FGF13: variants seen among roughly 807,000 people sequenced by gnomAD.
The protein encoded by FGF13 is fibroblast growth factor homologous factor 2.
A neutral mutation model predicts 19.5 loss-of-function variants in FGF13; 2 were observed. That is an observed-to-expected ratio of 0.10 (90% CI 0.04 to 0.32). The LOEUF is 0.32. FGF13 is among the 10% of genes least tolerant of loss of function. FGF13 has a pLI of 1.00. For missense variants in FGF13, 113 were observed against 192.7 expected, an observed-to-expected ratio of 0.59 and a Z score of 2.45; for synonymous variants, 72 against 76.9, an observed-to-expected ratio of 0.94 and a Z score of 0.33.
chrX:138,918,795 G>A (rs959622479), intron 1 of FGF13, among the ~76,000 whole-genome samples: 5 of 111,670 alleles, frequency 4.5e-5, no homozygotes, highest in African/African-American at 3.3e-5. Context: ...GAAAGGCTTC[G>A]CAGAGGAGTT....
chrX:139,076,476 G>A (rs1436849806), intron 1 of FGF13, among the ~76,000 whole-genome samples: 2 of 111,456 alleles, frequency 1.8e-5, no homozygotes, highest in Admixed American at 9.6e-5. Context: ...CACAAAACAG[G>A]GAACCATAGC....
chrX:138,801,139 A>G (rs1457498802), intron 3 of FGF13, among the ~76,000 whole-genome samples: 1 of 112,149 alleles, frequency 8.9e-6, no homozygotes, highest in Non-Finnish European at 1.9e-5. Flanking sequence ...AGGAGTTACA[A>G]TCATTTGGAG....
At chrX:138,877,697 C>A (rs1205708462) in intron 1 of FGF13, among the ~76,000 whole-genome samples, 2 of 112,515 alleles carry the variant, frequency 1.8e-5, no homozygotes, top group Admixed American at 9.4e-5. Flanking sequence ...TAACTAGCTT[C>A]TTTTACTTAG....
chrX:138,693,857 T>C (rs1158730389), intron 3 of FGF13, among the ~76,000 whole-genome samples: 1 of 111,832 alleles, frequency 8.9e-6, no homozygotes, highest in Non-Finnish European at 1.9e-5. Context: ...CCTTCAATAA[T>C]TGAGTCCATA....
chrX:138,971,760 C>A (rs2091917335), intron 1 of FGF13, among the ~76,000 whole-genome samples: 1 of 111,238 alleles, frequency 9.0e-6, no homozygotes, highest in African/African-American at 3.3e-5. Flanking sequence ...GTATACAATA[C>A]ATTATTGTTC....
chrX:138,666,893 TAAAC>T (rs1434791525), intron 3 of FGF13, among the ~76,000 whole-genome samples: 25 of 109,398 alleles, frequency 2.3e-4, no homozygotes, highest in African/African-American at 5.6e-4. Context: ...CAAAAACAAA[TAAAC>T]AGAGAACAAA....
chrX:138,830,840 G>A (rs1399453103), intron 3 of FGF13, among the ~76,000 whole-genome samples: 1 of 110,289 alleles, frequency 9.1e-6, no homozygotes, highest in Non-Finnish European at 1.9e-5. Flanking sequence ...GGGAGCAGGT[G>A]CTACTTGTCA....
At chrX:139,007,816 A>C (rs1311984087) in intron 1 of FGF13, among the ~76,000 whole-genome samples, 4 of 112,334 alleles carry the variant, frequency 3.6e-5, no homozygotes, top group African/African-American at 1.3e-4. Context: ...CCTTTGAAGG[A>C]ACTGGATCAC....
rs757011641 is a variant in FGF13, at chrX:138,629,921, C to CTAT, written c.*2926_*2928dup. On this transcript the variant is annotated 3_prime_UTR_variant, in exon 5 of 5. Coordinates refer to ENST00000315930, the MANE Select transcript of FGF13 (RefSeq NM_004114.5). ...ATAGTATTTGAAGTGTTTCCCACAACTATTTGACTAGAGTCTTTTTTTCTT... is the reference window on the plus strand; with the variant it reads ...ATAGTATTTGAAGTGTTTCCCACAACTATTATTTGACTAGAGTCTTTTTTTCTT... The CTAT allele has an allele frequency of 9.0e-6, 1 of 111,261 alleles. No homozygotes were observed. The highest frequency in any genetic ancestry group is 2.8e-4 in the East Asian group (1 of 3,514). The allele number at this position is 111,261 out of a possible 1,213,427, so 9.2% of individuals were successfully genotyped here. A position where few individuals can be genotyped will look rare whatever the true frequency, so the allele number is the denominator to read the frequency against.
intron 1 of FGF13, among the ~76,000 whole-genome samples, chrX:138,910,392 T>C (rs1043031151): frequency 3.6e-5 from 4 of 110,775 alleles, no homozygotes; most frequent in Non-Finnish European, 7.5e-5. Context: ...TGTGGTCAAA[T>C]TCCCAAGCAG....
intron 1 of FGF13, among the ~76,000 whole-genome samples, chrX:139,104,826 A>G (rs1041912767): frequency 2.7e-5 from 3 of 110,497 alleles, no homozygotes; most frequent in Non-Finnish European, 5.7e-5. Context: ...ACATGACTCA[A>G]TCACCTCCCA....
At chrX:139,119,091 A>C (rs975915268) in intron 1 of FGF13, among the ~76,000 whole-genome samples, 1 of 111,486 alleles carries the variant, frequency 9.0e-6, no homozygotes, top group East Asian at 2.8e-4. Flanking sequence ...AGTCCCAGCT[A>C]CTCTGGAGGC....
At chrX:139,148,681 C>T (rs1372946199) in intron 1 of FGF13, among the ~76,000 whole-genome samples, 1 of 105,575 alleles carries the variant, frequency 9.5e-6, no homozygotes, top group East Asian at 3.1e-4. Flanking sequence ...AAAACAGATA[C>T]AAGTAAATAT....
intron 1 of FGF13, among the ~76,000 whole-genome samples, chrX:138,928,986 C>G (rs1243821331): frequency 8.9e-6 from 1 of 111,792 alleles, no homozygotes; most frequent in Non-Finnish European, 1.9e-5. Flanking sequence ...TTTGCTCTTT[C>G]TCTCAACAAT....
intron 1 of FGF13, among the ~76,000 whole-genome samples, chrX:139,148,613 A>G (rs1032983228): frequency 3.6e-5 from 4 of 109,893 alleles, no homozygotes; most frequent in African/African-American, 1.3e-4. Context: ...TTAAAAAAAA[A>G]AAAAAAAAAA....
intron 1 of FGF13, among the ~76,000 whole-genome samples, chrX:138,984,844 T>G (rs867439202): frequency 3.0e-5 from 1 of 33,304 alleles, no homozygotes; most frequent in African/African-American, 7.4e-5. Context: ...GTGTGTGTTT[T>G]AATTTTTGTA....
At position 139,028,688 on chromosome X, in the gene FGF13, AGT is replaced by A. The variant is rs781223523; in HGVS notation, c.-112-164040_-112-164039del. Among the ~76,000 whole-genome samples the A allele has an allele frequency of 3.6e-3, 289 of 80,680 alleles. 4 individuals carry two copies. The highest frequency in any genetic ancestry group is 0.014 in the South Asian group (21 of 1,487). The allele number at this position is 80,680 out of a possible 115,157, so 70.1% of individuals were successfully genotyped here. On this transcript the variant is annotated intron_variant, in intron 1 of 2. Coordinates refer to the FGF13 transcript ENST00000421460. ...GAAAGAGAGAGTGTGTGTGAAAGAC[AGT>A]GTGTGTGTGTGTGTGTGTGAGAGAG...
upstream of FGF13, among the ~76,000 whole-genome samples, chrX:138,742,756 C>T (rs1205979491): frequency 1.8e-5 from 2 of 112,029 alleles, no homozygotes; most frequent in South Asian, 3.7e-4. Flanking sequence ...CTAGACACAT[C>T]GAAGGCAATA....
intron 3 of FGF13, among the ~76,000 whole-genome samples, chrX:138,688,372 C>T (rs1368298521): frequency 9.0e-6 from 1 of 110,959 alleles, no homozygotes; most frequent in Admixed American, 9.7e-5. Context: ...TACAAAAATA[C>T]AGTTAGATAG....
Sources: allele counts gnomAD v4.1 joint callset (sites outside exome capture counted in the v4.1 genomes callset), GRCh38; gene constraint gnomAD v4.1.1; transcripts MANE v1.5; gene names NCBI Gene and HGNC (gene_info 2026-07-23, HGNC 2026-07-21).